TDP1: variants seen among roughly 807,000 people sequenced by gnomAD.
TDP1 encodes the protein tyr-DNA phosphodiesterase 1.
Under a neutral mutation model 81.5 loss-of-function variants are expected in TDP1, and 64 were observed. The observed-to-expected ratio is 0.79, with a 90% CI of 0.64 to 0.97. TDP1 has a LOEUF of 0.97. TDP1 is among the 50% of genes least tolerant of loss of function. The pLI is 0.00. For missense variants in TDP1, 723 were observed against 743.8 expected (o/e 0.97, Z 0.33); for synonymous variants, 256 against 264.3 (o/e 0.97, Z 0.30).
At chr14:90,018,362 G>A (rs749963095) in intron 14 of TDP1, among the ~76,000 whole-genome samples, 20 of 152,132 alleles carry the variant, frequency 1.3e-4, no homozygotes, top group African/African-American at 3.6e-4. Context: ...CTCTGAAGAC[G>A]CCTCAGAGCT....
intron 10 of TDP1, among the ~76,000 whole-genome samples, 181 bp downstream of exon 10, chr14:89,985,391 C>G (rs919229539): frequency 6.6e-6 from 1 of 152,092 alleles, no homozygotes; most frequent in South Asian, 2.1e-4. Flanking sequence ...TGTTTTGCCT[C>G]TTTTATAGCT....
intron 10 of TDP1, among the ~76,000 whole-genome samples, chr14:89,985,635 A>G (rs1206397957): frequency 2.0e-5 from 3 of 152,246 alleles, no homozygotes; most frequent in Non-Finnish European, 4.4e-5. Context: ...AAATTCAAAA[A>G]TAATACTTGC....
chr14:90,001,565 G>T (rs1350139159), intron 14 of TDP1, among the ~76,000 whole-genome samples: 1 of 152,130 alleles, frequency 6.6e-6, no homozygotes, highest in East Asian at 1.9e-4. Flanking sequence ...GTGCCTTCTG[G>T]CAGATTGGCT....
rs771754016 is a variant in TDP1 at position 89,963,289 on chromosome 14, A to C, written c.175A>C (p.Lys59Gln). Residue 59 changes from lysine to glutamine, a missense_variant, in exon 3 of 17, where the codon AAA becomes CAA. By Grantham distance (53) the Lys-to-Gln change is moderately conservative. Transcript: ENST00000335725. ...SEAQKAAHKR[K>Q]ISPVKFSNTD... ...GGCCCAGAAAGCTGCACACAAGAGG[A>C]AAATATCACCTGTGAAATTCAGCAA... is the stretch of plus-strand genomic sequence containing the variant. 1 of 1,614,200 alleles carries C rather than the reference A, an allele frequency of 6.2e-7. No homozygotes were observed. The highest frequency in any genetic ancestry group is 2.2e-5 in the East Asian group (1 of 44,884).
chr14:90,032,855 C>T lies in TDP1; in HGVS notation c.1645-251C>T, dbSNP rs932898310. 5 of 984,490 alleles carry T rather than the reference C, an allele frequency of 5.1e-6. 1 individual carries two copies. The allele number at this position is 984,490 out of a possible 1,614,324, so 61.0% of individuals were successfully genotyped here. A position where few individuals can be genotyped will look rare whatever the true frequency, so the allele number is the denominator to read the frequency against. Reference sequence around the variant, plus strand: ...ATTGTCTCTCTTGTTTCTTTGTATCCTTTGAAAACTTTTGCAAACTTTGCT... The same window carrying T: ...ATTGTCTCTCTTGTTTCTTTGTATCTTTTGAAAACTTTTGCAAACTTTGCT... On this transcript the variant is annotated intron_variant, in intron 15 of 16. Coordinates refer to ENST00000335725, the MANE Select transcript of TDP1 (RefSeq NM_018319.4).
rs8010617 is a variant in TDP1 at position 90,042,734 on chromosome 14, G to A, written c.1754-336G>A. The A allele has an allele frequency of 3.9e-3, 950 of 241,930 alleles. 4 individuals are homozygous for A. Among genetic ancestry groups the A allele is most frequent in the African/African-American group, 0.021 (915 of 43,090 alleles). 15.0% of individuals were successfully genotyped at this position (241,930 alleles called of 1,614,324 possible). On this transcript the variant is annotated intron_variant, in intron 16 of 16. Coordinates refer to ENST00000335725, the MANE Select transcript of TDP1 (RefSeq NM_018319.4). ...TTGTGTGAGACTTATTCACTATCAT[G>A]AGAACAGCATGGGAAAGACCCGCCC...
chr14:89,973,574 G>C (rs1456156391), intron 6 of TDP1, among the ~76,000 whole-genome samples: 1 of 152,162 alleles, frequency 6.6e-6, no homozygotes, highest in Non-Finnish European at 1.5e-5. Flanking sequence ...AGCAACGTGA[G>C]TCATTGAAAC....
intron 7 of TDP1, among the ~76,000 whole-genome samples, chr14:89,976,892 G>T (rs564664499): frequency 1.3e-5 from 2 of 152,214 alleles, no homozygotes; most frequent in East Asian, 3.9e-4. Flanking sequence ...TGTGGCTCAT[G>T]CCTGTAATCC....
At chr14:89,992,675 C>G (rs191743336) in intron 13 of TDP1, among the ~76,000 whole-genome samples, 9 of 152,274 alleles carry the variant, frequency 5.9e-5, no homozygotes, top group Admixed American at 5.2e-4. Flanking sequence ...TTAAATTGAA[C>G]TCATTTAAAT....
chr14:90,035,733 CTTTTTTTT>C (rs543354253), intron 16 of TDP1, among the ~76,000 whole-genome samples: 9 of 139,054 alleles, frequency 6.5e-5, no homozygotes, highest in African/African-American at 2.5e-4. Flanking sequence ...CCTTTTCTTC[CTTTTTTTT>C]TTTTTTTAAC....
At chr14:90,015,953 A>C (rs571136685) in intron 14 of TDP1, among the ~76,000 whole-genome samples, 3 of 152,304 alleles carry the variant, frequency 2.0e-5, no homozygotes, top group African/African-American at 7.2e-5. Flanking sequence ...CACAATTTCC[A>C]GAATTCCCTT....
intron 14 of TDP1, among the ~76,000 whole-genome samples, chr14:90,004,375 G>A (rs1338726163): frequency 6.6e-6 from 1 of 152,178 alleles, no homozygotes; most frequent in Non-Finnish European, 1.5e-5. Flanking sequence ...TCCAAAGAAA[G>A]CCTCTCACAA....
chr14:90,028,496 T>A (rs1316820673), intron 15 of TDP1, among the ~76,000 whole-genome samples: 1 of 152,238 alleles, frequency 6.6e-6, no homozygotes, highest in Non-Finnish European at 1.5e-5. Context: ...CAATTTCTCA[T>A]GTGTGATATA....
intron 14 of TDP1, among the ~76,000 whole-genome samples, chr14:89,996,982 G>A (rs1896699183): frequency 6.6e-6 from 1 of 152,248 alleles, no homozygotes; most frequent in Non-Finnish European, 1.5e-5. Context: ...GAGTAATTAA[G>A]ATGAGGTTCT....
At chr14:89,960,740 A>G (rs968080820) in intron 2 of TDP1, among the ~76,000 whole-genome samples, 3 of 152,230 alleles carry the variant, frequency 2.0e-5, no homozygotes, top group Admixed American at 2.0e-4. Context: ...GCATTCTTGC[A>G]TAAAAGTTCC....
At chr14:89,981,903 C>T (rs149363569) in intron 8 of TDP1, among the ~76,000 whole-genome samples, 137 of 150,628 alleles carry the variant, frequency 9.1e-4, no homozygotes, top group African/African-American at 3.1e-3. Context: ...CCAAGTGATC[C>T]GCCTGCCTCA....
chr14:89,964,362 T>C (rs190723491), intron 3 of TDP1, among the ~76,000 whole-genome samples: 98 of 152,372 alleles, frequency 6.4e-4, no homozygotes, highest in Non-Finnish European at 1.1e-3. Context: ...ACCACTCATT[T>C]GCTGTATGGA....
intron 5 of TDP1, 121 bp downstream of exon 5, chr14:89,967,543 TCA>T: frequency 2.4e-6 from 2 of 820,222 alleles, no homozygotes; most frequent in Non-Finnish European, 4.3e-6. Flanking sequence ...ACTGTTGAAA[TCA>T]CACAGACATT....
At chr14:89,956,177 G>C (rs1273058945) in intron 1 of TDP1, 1 of 151,784 alleles carries the variant, frequency 6.6e-6, no homozygotes, top group Non-Finnish European at 1.5e-5. Flanking sequence ...CGATCACAGC[G>C]CCTCAGGGGG....
Sources: allele counts gnomAD v4.1 joint callset (sites outside exome capture counted in the v4.1 genomes callset), GRCh38; gene constraint gnomAD v4.1.1; transcripts MANE v1.5; gene names NCBI Gene and HGNC (gene_info 2026-07-23, HGNC 2026-07-21).